Variants in SLC2A2 observed in about 807,000 individuals in gnomAD.
SLC2A2 encodes solute carrier family 2 member 2, also known as solute carrier family 2, facilitated glucose transporter member 2.
SLC2A2 carries 36 observed loss-of-function variants against 54.5 expected under a neutral mutation model. The ratio of observed to expected loss-of-function variants is 0.66; its 90% CI spans 0.51 to 0.87. The LOEUF (loss-of-function observed/expected upper bound fraction) is 0.87, where lower values mean the gene tolerates loss of function less well. Among genes scored for constraint, SLC2A2 ranks in the 40% least tolerant of loss-of-function variants. SLC2A2 has a pLI of 0.00. For missense variants in SLC2A2, 543 were observed against 624.3 expected, an observed-to-expected ratio of 0.87 and a Z score of 1.39; for synonymous variants, 223 against 219.1, an observed-to-expected ratio of 1.02 and a Z score of -0.16.
intron 2 of SLC2A2, 69 bp downstream of exon 2, chr3:171,018,462 A>T: frequency 4.7e-6 from 5 of 1,074,408 alleles, no homozygotes; most frequent in Admixed American, 3.4e-5. Context: ...ATCTCTGTGT[A>T]TGAGGAACAT....
At chr3:171,011,559 C>A (rs745784628) in intron 3 of SLC2A2, among the ~76,000 whole-genome samples, 2 of 152,142 alleles carry the variant, frequency 1.3e-5, no homozygotes. Flanking sequence ...ACCTCCAAAA[C>A]TATAAGAAAA....
In SLC2A2 at chr3:171,006,036, G is replaced by A. The variant is rs773581866; in HGVS notation, c.682C>T (p.Arg228Ter). 3.7e-6 allele frequency: 6 copies of A among 1,612,290 alleles called. No homozygotes were observed. The highest frequency in any genetic ancestry group is 2.2e-5 in the East Asian group (1 of 44,830). ...WHILLGLSGV[R>*]AILQSLLLFF... ...AGTAGCAGAGACTGAAGGATGGCTCGCACACCAGACAGGCCAAGCAGGATG... is the reference window on the plus strand; with the variant it reads ...AGTAGCAGAGACTGAAGGATGGCTCACACACCAGACAGGCCAAGCAGGATG... The change falls in exon 6 of 11, where the codon CGA (arginine) becomes TGA (stop). Residue 228 changes from arginine (R) to a stop codon, truncating the protein, a stop_gained. Transcript: ENST00000314251. LOFTEE classifies it high-confidence loss of function.
At chr3:171,018,219 C>A (rs1716241591) in intron 2 of SLC2A2, among the ~76,000 whole-genome samples, 1 of 151,962 alleles carries the variant, frequency 6.6e-6, no homozygotes, top group African/African-American at 2.4e-5. Flanking sequence ...TTGCAATAAG[C>A]TCTTTTTTTC....
intron 7 of SLC2A2, 53 bp from the exon 8 acceptor site, chr3:171,002,733 C>T (rs1715397917): frequency 7.2e-6 from 7 of 966,530 alleles, no homozygotes; most frequent in Non-Finnish European, 1.2e-5. Context: ...GCACTGATAT[C>T]TTTAAAGCAA....
At position 170,997,970 on chromosome 3, in the gene SLC2A2, C is replaced by G; in HGVS notation, c.1508G>C (p.Ser503Thr). The G allele has an allele frequency of 6.2e-7, 1 of 1,613,692 alleles. No individual in the cohort carries two copies. The highest frequency in any genetic ancestry group is 8.5e-7 in the Non-Finnish European group (1 of 1,179,768). Residue 503 changes from serine to threonine, a missense_variant, in exon 11 of 11, where the codon AGT becomes ACT. Physicochemically the swap from Ser to Thr is moderately conservative, Grantham distance 58. This residue lies in a region of SLC2A2 where 108 missense variants were observed against 101.3 expected (regional missense o/e 1.07). Transcript: ENST00000314251. The stretch of plus-strand genomic sequence containing the variant: ...AGCTTTTGGCCTGTGGGCTGAGCCA[C>G]TCTTCTTTTGGAATTCTGCAGCAAT... Reference protein sequence around the residue: ...EEIAAEFQKKSGSAHRPKAAV... With the variant: ...EEIAAEFQKKTGSAHRPKAAV...
At chr3:171,022,465 C>A (rs553043805) in intron 1 of SLC2A2, among the ~76,000 whole-genome samples, 1 of 152,324 alleles carries the variant, frequency 6.6e-6, no homozygotes, top group East Asian at 1.9e-4. Flanking sequence ...CCAGTAGAAA[C>A]TTTTGGTGAG....
chr3:171,005,618 A>G (rs1413180046), intron 6 of SLC2A2, 146 bp from the exon 7 acceptor site: 1 of 696,322 alleles, frequency 1.4e-6, no homozygotes, highest in Non-Finnish European at 2.4e-6. Flanking sequence ...TTGTTAAATT[A>G]GATCCTGCTC....
chr3:171,017,527 A>G (rs1228897475), intron 2 of SLC2A2, among the ~76,000 whole-genome samples: 1 of 152,230 alleles, frequency 6.6e-6, no homozygotes, highest in Admixed American at 6.5e-5. Flanking sequence ...CAGAGGAAAT[A>G]TAATGGACTT....
At chr3:171,018,276 G>C (rs890678038) in intron 2 of SLC2A2, among the ~76,000 whole-genome samples, 3 of 151,660 alleles carry the variant, frequency 2.0e-5, no homozygotes, top group Non-Finnish European at 2.9e-5. Context: ...TCTGCCTGGA[G>C]TTTTCTGTGA....
intron 1 of SLC2A2, among the ~76,000 whole-genome samples, chr3:171,021,997 C>T (rs896944328): frequency 5.9e-5 from 9 of 152,190 alleles, no homozygotes; most frequent in African/African-American, 1.9e-4. Context: ...AAAATCTCAT[C>T]TCTAGGTCTA....
intron 2 of SLC2A2, among the ~76,000 whole-genome samples, chr3:171,017,307 A>G (rs1716198608): frequency 6.6e-6 from 1 of 152,154 alleles, no homozygotes; most frequent in Non-Finnish European, 1.5e-5. Flanking sequence ...CCCACACAAA[A>G]AAGATATGAC....
chr3:170,999,268 T>C, intron 8 of SLC2A2, 102 bp from the exon 9 acceptor site: 2 of 805,176 alleles, frequency 2.5e-6, no homozygotes, highest in South Asian at 2.9e-5. Flanking sequence ...TTAATTTATA[T>C]AACAGATAAG....
chr3:171,006,022 C>CT lies in SLC2A2; in HGVS notation c.695dup (p.Ser233ValfsTer20), dbSNP rs1715585338. ...CTGGACAGAAAAAGAGTAGCAGAGA[C>CT]TGAAGGATGGCTCGCACACCAGACA... On this transcript the variant is annotated frameshift_variant, in exon 6 of 11. Coordinates refer to ENST00000314251, the MANE Select transcript of SLC2A2 (RefSeq NM_000340.2). LOFTEE classifies it high-confidence loss of function. The CT allele has an allele frequency of 6.2e-7, 1 of 1,612,670 alleles. No homozygotes were observed. Among genetic ancestry groups the CT allele is most frequent in the Non-Finnish European group, 8.5e-7 (1 of 1,179,098 alleles).
chr3:171,009,912 G>GGTGTGTGTGTGTGT (rs71176588), intron 4 of SLC2A2, 46 bp downstream of exon 4: 23 of 1,325,620 alleles, frequency 1.7e-5, no homozygotes, highest in East Asian at 2.8e-5. Flanking sequence ...GACAAAGGTA[G>GGTGTGTGTGTGTGT]GTGTGTGTGT....
chr3:170,998,604 T>C (rs1715204739), intron 9 of SLC2A2, among the ~76,000 whole-genome samples: 1 of 152,146 alleles, frequency 6.6e-6, no homozygotes, highest in Admixed American at 6.5e-5. Flanking sequence ...ATCCTCTGGA[T>C]TAGGATTTTC....
intron 4 of SLC2A2, among the ~76,000 whole-genome samples, chr3:171,008,913 C>T (rs1715743141): frequency 6.6e-6 from 1 of 152,050 alleles, no homozygotes; most frequent in African/African-American, 2.4e-5. Flanking sequence ...TTTAATTAGA[C>T]TGTTAACTTG....
chr3:171,018,587 C>T lies in SLC2A2; in HGVS notation c.52G>A (p.Val18Met). ...GTLVFTVITA[V>M]LGSFQFGYDI... ...TATCCAAACTGGAAGGAACCCAGCA[C>T]AGCAGTGATGACAGTGAAAACCAGG... Residue 18 changes from valine (V) to methionine (M), a missense_variant, in exon 2 of 11, where the codon GTG becomes ATG. By Grantham distance (21) the Val-to-Met change is conservative. Around this residue, in one of 3 missense-constraint regions of SLC2A2, gnomAD observed 318 missense variants for 343.8 expected, o/e 0.93. Coordinates refer to ENST00000314251, the MANE Select transcript of SLC2A2 (RefSeq NM_000340.2). 6.2e-7 allele frequency: 1 copy of T among 1,614,036 alleles called. No individual in the cohort carries two copies. Among genetic ancestry groups the T allele is most frequent in the Non-Finnish European group, 8.5e-7 (1 of 1,179,912 alleles).
chr3:171,012,852 A>G (rs562078921), intron 3 of SLC2A2, among the ~76,000 whole-genome samples: 1 of 152,262 alleles, frequency 6.6e-6, no homozygotes, highest in African/African-American at 2.4e-5. Context: ...TTTGTTTACC[A>G]TAGGTCATTT....
intron 2 of SLC2A2, 77 bp from the exon 3 acceptor site, chr3:171,014,808 ACGTGTTTAAATAGTAC>A (rs1454030521): frequency 8.4e-7 from 1 of 1,193,746 alleles, no homozygotes; most frequent in African/African-American, 1.5e-5. Context: ...AGTGTTTGTT[ACGTGTTTAAATAGTAC>A]CATCTCAATT....
Sources: allele counts gnomAD v4.1 joint callset (sites outside exome capture counted in the v4.1 genomes callset), GRCh38; gene constraint gnomAD v4.1.1; regional missense constraint gnomAD v4.1.1; transcripts MANE v1.5; gene names NCBI Gene and HGNC (gene_info 2026-07-23, HGNC 2026-07-21).